Variants in ATXN1 observed in about 807,000 individuals in gnomAD.
ATXN1 encodes the protein ataxin 1, also known as ataxin-1.
A neutral mutation model predicts 56.4 loss-of-function variants in ATXN1; 8 were observed. The ratio of observed to expected loss-of-function variants is 0.14; its 90% confidence interval spans 0.08 to 0.26. ATXN1 has a LOEUF of 0.26. ATXN1 is among the 10% of genes least tolerant of loss of function. The pLI is 1.00. For missense variants in ATXN1, 987 were observed against 1,106.5 expected (o/e 0.89, Z 1.53); for synonymous variants, 514 against 494.6 (o/e 1.04, Z -0.52).
chr6:16,732,819 CT>C (rs1760021408), intron 2 of ATXN1, among the ~76,000 whole-genome samples: 1 of 152,170 alleles, frequency 6.6e-6, no homozygotes, highest in South Asian at 2.1e-4. Flanking sequence ...CTTTTGAAAT[CT>C]TTTTAGCTTC....
chr6:16,430,561 A>AT (rs1341009924), intron 6 of ATXN1, among the ~76,000 whole-genome samples: 1 of 152,152 alleles, frequency 6.6e-6, no homozygotes, highest in African/African-American at 2.4e-5. Flanking sequence ...ATGTTCCATG[A>AT]TTTTTTGCAT....
chr6:16,692,214 C>A (rs1581369538), intron 2 of ATXN1, among the ~76,000 whole-genome samples: 1 of 152,184 alleles, frequency 6.6e-6, no homozygotes, highest in African/African-American at 2.4e-5. Context: ...CGAGATCATG[C>A]CACTGCACTC....
chr6:16,722,584 T>A (rs1759766527), intron 2 of ATXN1, among the ~76,000 whole-genome samples: 1 of 152,184 alleles, frequency 6.6e-6, no homozygotes, highest in Non-Finnish European at 1.5e-5. Flanking sequence ...TACATGTATA[T>A]GAGCGCAAAA....
intron 6 of ATXN1, among the ~76,000 whole-genome samples, chr6:16,406,043 G>A (rs1376829973): frequency 6.6e-6 from 1 of 152,176 alleles, no homozygotes; most frequent in Non-Finnish European, 1.5e-5. Context: ...CTATAAACCT[G>A]TGTTTGAGCT....
At chr6:16,736,937 G>A (rs529816892) in intron 2 of ATXN1, 2 of 152,194 alleles carry the variant, frequency 1.3e-5, no homozygotes, top group South Asian at 4.1e-4. Flanking sequence ...GCAAAAGCAA[G>A]ATCATTGCTC....
chr6:16,318,707 C>T (rs749319166), intron 7 of ATXN1, among the ~76,000 whole-genome samples: 2 of 152,176 alleles, frequency 1.3e-5, no homozygotes, highest in Admixed American at 6.5e-5. Flanking sequence ...ACCCTAGCAC[C>T]GGGACGCCTC....
intron 2 of ATXN1, among the ~76,000 whole-genome samples, chr6:16,746,977 C>T (rs1760555850): frequency 6.6e-6 from 1 of 152,058 alleles, no homozygotes; most frequent in African/African-American, 2.4e-5. Context: ...CAGTGAGTAG[C>T]ACAAGTCATC....
At chr6:16,431,247 G>A (rs1159594223) in intron 6 of ATXN1, among the ~76,000 whole-genome samples, 1 of 152,122 alleles carries the variant, frequency 6.6e-6, no homozygotes, top group Non-Finnish European at 1.5e-5. Flanking sequence ...GGGAGGAAGA[G>A]CAGACTAAAA....
intron 7 of ATXN1, among the ~76,000 whole-genome samples, chr6:16,315,122 G>A (rs1029337540): frequency 6.6e-6 from 1 of 152,042 alleles, no homozygotes; most frequent in Admixed American, 6.6e-5. Flanking sequence ...ATCCGATGAC[G>A]TCCACTCAGA....
chr6:16,554,709 G>A (rs147586614), intron 4 of ATXN1, among the ~76,000 whole-genome samples: 2,196 of 143,576 alleles, frequency 0.015, 54 homozygotes, highest in African/African-American at 0.054. Flanking sequence ...CCACCTCAGC[G>A]TCCCAAAGTG....
At chr6:16,370,198 C>T (rs1416679579) in intron 6 of ATXN1, among the ~76,000 whole-genome samples, 1 of 152,054 alleles carries the variant, frequency 6.6e-6, no homozygotes, top group East Asian at 1.9e-4. Context: ...GTTCTCCAGG[C>T]GACCCCGACA....
chr6:16,584,282 A>G lies in ATXN1; in HGVS notation c.-361+1498T>C, dbSNP rs538470607. ...CACACACACACACACATATACACAT[A>G]TATATATATACACACACACATACAT... On this transcript the variant is annotated intron_variant, in intron 4 of 7. Transcript: ENST00000436367. Among the ~76,000 whole-genome samples the G allele has an allele frequency of 5.9e-3, 849 of 144,982 alleles. 1 individual carries two copies. The highest frequency in any genetic ancestry group is 0.011 in the South Asian group (53 of 4,626).
chr6:16,454,577 G>T (rs373698072), intron 6 of ATXN1, among the ~76,000 whole-genome samples: 25 of 152,090 alleles, frequency 1.6e-4, no homozygotes, highest in African/African-American at 5.8e-4. Context: ...TCCCTAATTT[G>T]TACTGATTTC....
intron 4 of ATXN1, among the ~76,000 whole-genome samples, chr6:16,573,841 G>A (rs568365845): frequency 2.6e-5 from 4 of 152,076 alleles, no homozygotes; most frequent in Non-Finnish European, 2.9e-5. Context: ...TACACATCCT[G>A]TTAAGGTCCC....
At position 16,410,876 on chromosome 6, in the gene ATXN1, G is replaced by C. The variant is rs1189646530; in HGVS notation, c.-161+75096C>G. Among the ~76,000 whole-genome samples, 1 of 152,190 alleles carries C rather than the reference G, an allele frequency of 6.6e-6. No individual in the cohort carries two copies. Among genetic ancestry groups the C allele is most frequent in the Non-Finnish European group, 1.5e-5 (1 of 68,040 alleles). On this transcript the variant is annotated intron_variant, in intron 6 of 7. Transcript: ENST00000436367. This position sits in a 1 kb window ranked among gnomAD's most constrained non-coding sequence, Gnocchi z 4.6. Reference sequence around the variant, plus strand: ...ACAGTGGCTCACGCCTGTAATCCCAGCTCTTTGGGAGGCCAATGCAGGCGG... The same window carrying C: ...ACAGTGGCTCACGCCTGTAATCCCACCTCTTTGGGAGGCCAATGCAGGCGG...
chr6:16,349,508 G>C (rs897130992), intron 6 of ATXN1, among the ~76,000 whole-genome samples: 1 of 144,582 alleles, frequency 6.9e-6, no homozygotes, highest in East Asian at 2.0e-4. Context: ...TCTCAAAAAA[G>C]AAAGAAAGAA....
intron 2 of ATXN1, among the ~76,000 whole-genome samples, chr6:16,727,277 G>A (rs1392206709): frequency 6.6e-6 from 1 of 151,990 alleles, no homozygotes; most frequent in Admixed American, 6.6e-5. Context: ...TAATAAAAAA[G>A]CAATTAATTT....
At chr6:16,345,266 G>A (rs574988489) in intron 6 of ATXN1, among the ~76,000 whole-genome samples, 41 of 152,142 alleles carry the variant, frequency 2.7e-4, no homozygotes, top group African/African-American at 8.4e-4. Flanking sequence ...GTTACTTCTC[G>A]GGTCAGGAAG....
At chr6:16,592,384 T>C (rs1392138475) in intron 3 of ATXN1, among the ~76,000 whole-genome samples, 1 of 152,112 alleles carries the variant, frequency 6.6e-6, no homozygotes, top group East Asian at 1.9e-4. Flanking sequence ...GCCTAACATA[T>C]TACATCATCA....
Sources: gnomAD v4.1 joint callset for allele counts (sites outside exome capture counted in the v4.1 genomes callset) on GRCh38, gnomAD v4.1.1 for gene constraint, Gnocchi (gnomAD v3.1) non-coding constraint, MANE v1.5 for transcripts, NCBI Gene and HGNC (gene_info 2026-07-23, HGNC 2026-07-21) for gene names.